Variants in DDHD2 observed in about 807,000 individuals in gnomAD.
DDHD2 encodes triacylglycerol hydrolase DDHD2.
Under a neutral mutation model 91.2 loss-of-function variants are expected in DDHD2, and 62 were observed. The observed-to-expected ratio is 0.68, with a 90% CI of 0.55 to 0.84. The LOEUF is 0.84. DDHD2 is among the 40% of genes least tolerant of loss of function. The pLI is 0.00. For synonymous variants in DDHD2, 271 were observed against 293.9 expected (o/e 0.92, Z 0.80); for missense variants, 740 against 846.9 (o/e 0.87, Z 1.57).
intron 7 of DDHD2, 122 bp downstream of exon 7, chr8:38,242,507 A>G (rs1805332803): frequency 9.6e-7 from 1 of 1,043,132 alleles, no homozygotes; most frequent in East Asian, 2.7e-5. Flanking sequence ...GAGATATGCT[A>G]TTAAATGCTG....
chr8:38,240,659 A>G (rs909630318), intron 6 of DDHD2, among the ~76,000 whole-genome samples: 2 of 152,260 alleles, frequency 1.3e-5, no homozygotes, highest in African/African-American at 4.8e-5. Context: ...ACAGGGAACC[A>G]TAAAGATGAT....
At chr8:38,258,497 C>T (rs545356505) in intron 16 of DDHD2, among the ~76,000 whole-genome samples, 1 of 152,286 alleles carries the variant, frequency 6.6e-6, no homozygotes, top group African/African-American at 2.4e-5. Context: ...AGGTGATCTG[C>T]CTGCCTCGAC....
chr8:38,246,423 T>C (rs1165837666), intron 9 of DDHD2, 123 bp downstream of exon 9: 5 of 664,472 alleles, frequency 7.5e-6, no homozygotes, highest in African/African-American at 3.7e-5. Flanking sequence ...TTTACACTTA[T>C]TTTCATTTTA....
At chr8:38,255,291 T>C in intron 16 of DDHD2, 1 of 462,686 alleles carries the variant, frequency 2.2e-6, no homozygotes, top group Non-Finnish European at 4.2e-6. Flanking sequence ...TCACTATCGT[T>C]TGTATATAAT....
downstream of DDHD2, chr8:38,272,538 T>G (rs764025873): frequency 1.3e-5 from 2 of 152,234 alleles, no homozygotes; most frequent in Non-Finnish European, 2.9e-5. Context: ...CTCCCTCCCC[T>G]GCACAGTGCC....
intron 1 of DDHD2, chr8:38,269,567 C>T (rs1448379746): frequency 3.7e-6 from 1 of 273,230 alleles, no homozygotes; most frequent in African/African-American, 2.2e-5. Flanking sequence ...TCCTTAGCAA[C>T]ACAGCCGCAT....
chr8:38,254,724 A>T (rs761177577), intron 16 of DDHD2, among the ~76,000 whole-genome samples: 8 of 151,760 alleles, frequency 5.3e-5, no homozygotes, highest in Non-Finnish European at 8.8e-5. Flanking sequence ...TGGATTAATG[A>T]TGCTTATTGA....
At chr8:38,259,195 C>T (rs1414386373) in intron 16 of DDHD2, among the ~76,000 whole-genome samples, 1 of 150,330 alleles carries the variant, frequency 6.7e-6, no homozygotes, top group East Asian at 2.0e-4. Context: ...GGAAAAGGAA[C>T]AATTCTTGGT....
chr8:38,268,166 C>A, intron 1 of DDHD2: 1 of 1,292,750 alleles, frequency 7.7e-7, no homozygotes, highest in Non-Finnish European at 1.0e-6. Context: ...GTACAAATAA[C>A]CCAGTGCATT....
chr8:38,263,333 C>G (rs1807183915), downstream of DDHD2: 1 of 949,486 alleles, frequency 1.1e-6, no homozygotes. Context: ...ATTCATCTGT[C>G]CTTCAGATGA....
chr8:38,268,161 A>G, intron 1 of DDHD2: 1 of 1,314,156 alleles, frequency 7.6e-7, no homozygotes, highest in Non-Finnish European at 1.0e-6. Context: ...CTGAGGTACA[A>G]ATAACCCAGT....
downstream of DDHD2, chr8:38,263,451 G>A (rs1487457469): frequency 1.0e-6 from 1 of 985,040 alleles, no homozygotes; most frequent in African/African-American, 1.7e-5. Context: ...GTACAGTTAT[G>A]GTCAAATGAG....
rs572410658 is a variant in DDHD2, at chr8:38,268,583, G to A, written n.88-2539G>A. The A allele has an allele frequency of 1.3e-5, 19 of 1,457,430 alleles. No individual in the cohort carries two copies. In the East Asian group the frequency reaches 4.5e-4, roughly 35 times the overall value. 90.3% of individuals were successfully genotyped at this position (1,457,430 alleles called of 1,614,324 possible). ...GCTAACATAAGGTCTCTGAGTGCGC[G>A]TAACCGGGCGCCAGGCAGCGCCACC... On this transcript the variant is annotated intron_variant and non_coding_transcript_variant, in intron 1 of 1. Coordinates refer to the DDHD2 transcript ENST00000526071.
chr8:38,269,411 G>A (rs1366221201), intron 1 of DDHD2, among the ~76,000 whole-genome samples: 2 of 152,226 alleles, frequency 1.3e-5, no homozygotes, highest in Non-Finnish European at 2.9e-5. Context: ...GGGAGCCAGC[G>A]CCCCAGTTCC....
chr8:38,236,696 G>A (rs1312820477), intron 3 of DDHD2, among the ~76,000 whole-genome samples: 1 of 152,078 alleles, frequency 6.6e-6, no homozygotes, highest in Non-Finnish European at 1.5e-5. Context: ...TGTATTTGTA[G>A]TAGAGATGGG....
intron 10 of DDHD2, among the ~76,000 whole-genome samples, chr8:38,249,350 C>T (rs1805921303): frequency 6.6e-6 from 1 of 151,952 alleles, no homozygotes; most frequent in Non-Finnish European, 1.5e-5. Flanking sequence ...GATCCACCCG[C>T]CTCGGCCTCC....
At chr8:38,271,781 A>T (rs913143601), downstream of DDHD2, 84 of 152,358 alleles carry the variant, frequency 5.5e-4, no homozygotes, top group Middle Eastern at 3.4e-3. Context: ...ATGGAAGTAT[A>T]GAATGTCAGC....
downstream of DDHD2, chr8:38,271,724 C>T (rs1808488567): frequency 6.6e-6 from 1 of 152,186 alleles, no homozygotes; most frequent in Non-Finnish European, 1.5e-5. Flanking sequence ...TAACTTTAGT[C>T]TACGCTGCCC....
chr8:38,268,848 G>C, intron 1 of DDHD2: 1 of 1,518,182 alleles, frequency 6.6e-7, no homozygotes, highest in Non-Finnish European at 8.8e-7. Flanking sequence ...GCCGGGTCAT[G>C]GGGAGGGAGG....
Sources: allele counts gnomAD v4.1 joint callset (sites outside exome capture counted in the v4.1 genomes callset), GRCh38; gene constraint gnomAD v4.1.1; transcripts MANE v1.5; gene names NCBI Gene and HGNC (gene_info 2026-07-23, HGNC 2026-07-21).